The following HIBCH variants were observed in gnomAD, a reference collection of about 807,000 sequenced individuals.
HIBCH encodes 3-hydroxyisobutyryl-CoA hydrolase, mitochondrial.
Under a neutral mutation model 58.2 loss-of-function variants are expected in HIBCH, and 50 were observed. That is an observed-to-expected ratio of 0.86 (90% CI 0.68 to 1.09). HIBCH has a LOEUF of 1.09. Ranked by LOEUF, HIBCH falls within the 50% of genes least tolerant of loss-of-function variation. The probability of loss-of-function intolerance (pLI) is 0.00; values close to 1 mark genes in which losing one functional copy is unlikely to be tolerated. For missense variants in HIBCH, 450 were observed against 449.7 expected (o/e 1.00, Z -0.01); for synonymous variants, 151 against 146.9 (o/e 1.03, Z -0.20).
At chr2:190,305,853 C>T (rs984603419) in intron 2 of HIBCH, among the ~76,000 whole-genome samples, 1 of 152,112 alleles carries the variant, frequency 6.6e-6, no homozygotes, top group African/African-American at 2.4e-5. Context: ...TCCAGCTGAA[C>T]CCATAATCTC....
chr2:190,213,889 T>C (rs1690571499), intron 11 of HIBCH: 1 of 152,224 alleles, frequency 6.6e-6, no homozygotes, highest in African/African-American at 2.4e-5. Flanking sequence ...GTTAAAACTG[T>C]GCCGGGTGTG....
downstream of HIBCH, chr2:190,200,077 G>C (rs541362349): frequency 1.2e-6 from 2 of 1,614,052 alleles, no homozygotes; most frequent in African/African-American, 2.7e-5. Flanking sequence ...CTTGTGTGAT[G>C]CCTTGCAGCA....
rs896642154 is a variant in HIBCH, at chr2:190,243,698, T to C, written c.891+1189A>G. Among the ~76,000 whole-genome samples the C allele has an allele frequency of 1.3e-5, 2 of 152,192 alleles. No individual in the cohort carries two copies. Among genetic ancestry groups the C allele is most frequent in the Non-Finnish European group, 2.9e-5 (2 of 68,024 alleles). ...GAATACAGTAAAAGGCCGGGTGTGG[T>C]GGCTCACACCTGTAATCCCAGCACT... On this transcript the variant is annotated intron_variant, in intron 11 of 13. Transcript: ENST00000359678. The surrounding 1 kb of genome is among the most constrained non-coding windows in gnomAD (Gnocchi z 4.1).
chr2:190,190,776 T>A (rs1198322981), intron 1 of HIBCH, among the ~76,000 whole-genome samples: 1 of 152,226 alleles, frequency 6.6e-6, no homozygotes, highest in Admixed American at 6.5e-5. Context: ...AATACCTTTT[T>A]AAAATTTTTA....
intron 11 of HIBCH, among the ~76,000 whole-genome samples, chr2:190,241,552 T>C (rs1686454198): frequency 6.6e-6 from 1 of 152,220 alleles, no homozygotes; most frequent in African/African-American, 2.4e-5. Context: ...AGTTTCTTCA[T>C]AGTGTTGTTG....
chr2:190,258,572 C>T (rs1013675370), intron 7 of HIBCH, among the ~76,000 whole-genome samples: 1 of 152,132 alleles, frequency 6.6e-6, no homozygotes, highest in Non-Finnish European at 1.5e-5. Context: ...TGGGAGCCAC[C>T]CCTTGCATCA....
chr2:190,199,306 G>A (rs114384514), downstream of HIBCH, among the ~76,000 whole-genome samples: 1,068 of 152,246 alleles, frequency 7.0e-3, 15 homozygotes, highest in African/African-American at 0.023. Context: ...TAGTATGAAC[G>A]CAGCCATGGA....
intron 11 of HIBCH, among the ~76,000 whole-genome samples, chr2:190,228,697 A>C (rs547162134): frequency 6.6e-6 from 1 of 152,280 alleles, no homozygotes; most frequent in South Asian, 2.1e-4. Context: ...CTTATGGAAC[A>C]CTGGTAAGTG....
At chr2:190,261,595 T>C (rs1233690643) in intron 6 of HIBCH, among the ~76,000 whole-genome samples, 4 of 151,626 alleles carry the variant, frequency 2.6e-5, no homozygotes, top group East Asian at 1.9e-4. Context: ...TTATCTGATA[T>C]ATATTTTATA....
At chr2:190,239,816 A>G (rs1686398328) in intron 11 of HIBCH, among the ~76,000 whole-genome samples, 2 of 151,806 alleles carry the variant, frequency 1.3e-5, no homozygotes, top group South Asian at 4.2e-4. Context: ...CGCCCAGCTA[A>G]TTTTTGTATT....
intron 11 of HIBCH, among the ~76,000 whole-genome samples, chr2:190,218,340 G>A (rs959694173): frequency 1.2e-4 from 19 of 152,012 alleles, no homozygotes; most frequent in African/African-American, 4.3e-4. Flanking sequence ...CTACCTAACT[G>A]TAAAAATTTA....
In HIBCH at chr2:190,204,161, A is replaced by G. The variant is rs1209517363; in HGVS notation, c.*956T>C. The G allele has an allele frequency of 6.6e-6, 1 of 152,102 alleles. No individual in the cohort carries two copies. The highest frequency in any genetic ancestry group is 2.4e-5 in the African/African-American group (1 of 41,464). The allele number at this position is 152,102 out of a possible 1,614,324, so 9.4% of individuals were successfully genotyped here. A position where few individuals can be genotyped will look rare whatever the true frequency, so the allele number is the denominator to read the frequency against. On this transcript the variant is annotated 3_prime_UTR_variant, in exon 14 of 14. Coordinates refer to ENST00000359678, the MANE Select transcript of HIBCH (RefSeq NM_014362.4). ...CTTTTAGTTCTTTCATACCTTAAAAAGTACTTACTTCATTAACAATATCAA... is the reference window on the plus strand; with the variant it reads ...CTTTTAGTTCTTTCATACCTTAAAAGGTACTTACTTCATTAACAATATCAA...
At chr2:190,303,900 A>C (rs542734349) in intron 2 of HIBCH, among the ~76,000 whole-genome samples, 5 of 152,314 alleles carry the variant, frequency 3.3e-5, no homozygotes, top group African/African-American at 1.2e-4. Flanking sequence ...TGAGATTAGA[A>C]GGGCACTTTT....
At chr2:190,192,490 G>A (rs1190602449) in intron 1 of HIBCH, among the ~76,000 whole-genome samples, 232 of 144,404 alleles carry the variant, frequency 1.6e-3, no homozygotes, top group African/African-American at 5.6e-3. Context: ...GTGTGTGTGT[G>A]TATCTATATA....
intron 2 of HIBCH, among the ~76,000 whole-genome samples, chr2:190,301,040 T>C (rs951125104): frequency 6.6e-6 from 1 of 152,234 alleles, no homozygotes; most frequent in Non-Finnish European, 1.5e-5. Context: ...CCACCCCTGC[T>C]TACCAGGGGC....
At chr2:190,302,907 T>C (rs1019832333) in intron 2 of HIBCH, among the ~76,000 whole-genome samples, 16 of 152,222 alleles carry the variant, frequency 1.1e-4, no homozygotes, top group Admixed American at 1.0e-3. Flanking sequence ...ATAAAGGAAC[T>C]GTACATCAAC....
At chr2:190,205,481 C>T (rs915680291) in intron 13 of HIBCH, among the ~76,000 whole-genome samples, 2 of 152,092 alleles carry the variant, frequency 1.3e-5, no homozygotes, top group Admixed American at 1.3e-4. Flanking sequence ...TTAATAAAGC[C>T]TACTGAATTA....
intron 2 of HIBCH, among the ~76,000 whole-genome samples, chr2:190,307,298 A>G (rs1158968392): frequency 6.6e-6 from 1 of 152,244 alleles, no homozygotes; most frequent in African/African-American, 2.4e-5. Flanking sequence ...AAGGACAAAA[A>G]GAAAATGAAA....
Position 190,214,086 on chromosome 2 carries a change from A to C in HIBCH, c.892-1011T>G, listed in dbSNP as rs894601624. The C allele has an allele frequency of 6.6e-6, 1 of 152,118 alleles. No individual in the cohort carries two copies. 9.4% of individuals were successfully genotyped at this position (152,118 alleles called of 1,614,324 possible). A position where few individuals can be genotyped will look rare whatever the true frequency, so the allele number is the denominator to read the frequency against. On this transcript the variant is annotated intron_variant, in intron 11 of 13. Coordinates refer to ENST00000359678, the MANE Select transcript of HIBCH (RefSeq NM_014362.4). The surrounding 1 kb of genome is among the most constrained non-coding windows in gnomAD (Gnocchi z 5.5). ...CCAGCCGAGAAGGGAGACGCACCCC[A>C]CTTGATTTATGTGGCCTGCTCTGGA...
Sources: gnomAD v4.1 joint callset for allele counts (sites outside exome capture counted in the v4.1 genomes callset) on GRCh38, gnomAD v4.1.1 for gene constraint, Gnocchi (gnomAD v3.1) non-coding constraint, MANE v1.5 for transcripts, NCBI Gene and HGNC (gene_info 2026-07-23, HGNC 2026-07-21) for gene names.